The following MYL6B variants were observed in gnomAD, a reference collection of about 807,000 sequenced individuals.
MYL6B encodes the protein myosin light chain 6B.
In MYL6B, 19 loss-of-function variants were observed where a neutral mutation model predicts 24.5. That is an observed-to-expected ratio of 0.78 (90% confidence interval 0.54 to 1.14). The LOEUF (loss-of-function observed/expected upper bound fraction) is 1.14, where lower values mean the gene tolerates loss of function less well. Ranked by LOEUF, MYL6B falls within the 50% of genes most tolerant of loss-of-function variation. MYL6B has a pLI of 0.00. For missense variants in MYL6B, 230 were observed against 263.8 expected, an observed-to-expected ratio of 0.87 and a Z score of 0.89; for synonymous variants, 90 against 100.7, an observed-to-expected ratio of 0.89 and a Z score of 0.64.
intron 2 of MYL6B, 74 bp downstream of exon 2, chr12:56,154,166 G>A (rs985939555): frequency 7.0e-7 from 1 of 1,433,052 alleles, no homozygotes; most frequent in African/African-American, 1.4e-5. Context: ...GGGATTAGGG[G>A]GTATCTAGAA....
intron 4 of MYL6B, 27 bp downstream of exon 4, chr12:56,155,225 G>A (rs971016439): frequency 6.4e-7 from 1 of 1,570,710 alleles, no homozygotes; most frequent in African/African-American, 1.4e-5. Flanking sequence ...GAACAATTTG[G>A]GTTTTTAGTT....
At chr12:56,157,335 G>T in intron 5 of MYL6B, 133 bp from the exon 6 acceptor site, 1 of 783,970 alleles carries the variant, frequency 1.3e-6, no homozygotes, top group Non-Finnish European at 2.1e-6. Context: ...AGTGAGCCGA[G>T]ATCGCTCCGC....
chr12:56,156,438 C>T (rs1185337298), intron 5 of MYL6B, among the ~76,000 whole-genome samples: 1 of 151,762 alleles, frequency 6.6e-6, no homozygotes, highest in Non-Finnish European at 1.5e-5. Flanking sequence ...AACCTCGTCT[C>T]TACTAAAAAC....
intron 2 of MYL6B, among the ~76,000 whole-genome samples, chr12:56,154,321 CACTT>C (rs1264017176): frequency 6.6e-6 from 1 of 152,200 alleles, no homozygotes; most frequent in East Asian, 1.9e-4. Flanking sequence ...CATACACACT[CACTT>C]ACCCCCTGCT....
intron 5 of MYL6B, chr12:56,156,843 G>A (rs1413682335): frequency 6.6e-6 from 1 of 152,114 alleles, no homozygotes; most frequent in Non-Finnish European, 1.5e-5. Flanking sequence ...TTGAGCTCAG[G>A]AGTTCGAGAC....
chr12:56,157,762 G>T, exon 7 of MYL6B: 1 of 1,606,548 alleles, frequency 6.2e-7, no homozygotes, highest in Non-Finnish European at 8.5e-7. Context: ...CCTTCGCCGC[G>T]CCTTACGAGG....
At chr12:56,155,067 C>A (rs373700694) in exon 4 of MYL6B, 2 of 1,612,202 alleles carry the variant, frequency 1.2e-6, no homozygotes, top group Non-Finnish European at 1.7e-6. Flanking sequence ...TTCAAGGAGG[C>A]CTTCGAGCTG....
intron 5 of MYL6B, chr12:56,156,955 T>TG (rs1425557094): frequency 1.3e-5 from 2 of 150,376 alleles, no homozygotes; most frequent in African/African-American, 5.0e-5. Flanking sequence ...CGAAGGCCGA[T>TG]GTGAATCACT....
Position 56,153,870 on chromosome 12 carries a change from C to A in MYL6B, c.-46-3C>A. On this transcript the variant is annotated splice_polypyrimidine_tract_variant and splice_region_variant and intron_variant, in intron 1 of 6. Transcript: ENST00000553066. ...ATCCCAGACTCCCTGGCTATTTAAA[C>A]AGAGATGGGTGCCCCCATCCGCACA... 1.3e-6 allele frequency: 2 copies of A among 1,528,288 alleles called. No homozygotes were observed. The highest frequency in any genetic ancestry group is 8.8e-7 in the Non-Finnish European group (1 of 1,133,168). 94.7% of individuals were successfully genotyped at this position (1,528,288 alleles called of 1,614,324 possible).
chr12:56,156,433 C>T (rs1018749490), intron 5 of MYL6B, among the ~76,000 whole-genome samples: 21 of 149,900 alleles, frequency 1.4e-4, no homozygotes, highest in South Asian at 6.4e-4. Context: ...GGTGAAACCT[C>T]GTCTCTACTA....
At chr12:56,153,260 G>A (rs920245490) in intron 1 of MYL6B, among the ~76,000 whole-genome samples, 3 of 152,058 alleles carry the variant, frequency 2.0e-5, no homozygotes, top group Non-Finnish European at 2.9e-5. Context: ...AGACAATGAG[G>A]GATGTCATAC....
At chr12:56,157,371 A>G in intron 5 of MYL6B, 97 bp from the exon 6 acceptor site, 3 of 1,169,914 alleles carry the variant, frequency 2.6e-6, no homozygotes, top group Non-Finnish European at 3.7e-6. Context: ...CCTGAGCGAC[A>G]GGAGCGAAAC....
In MYL6B at chr12:56,155,411, A is replaced by G. The variant is rs745611936; in HGVS notation, c.347-8A>G. On this transcript the variant is annotated splice_polypyrimidine_tract_variant and splice_region_variant and intron_variant, in intron 4 of 6. Coordinates refer to ENST00000553066, the Ensembl canonical transcript of MYL6B. ...ATGACCTCTCCTTTACCTCTCTCCA[A>G]CCTCCAGAGCTGAAGTCGCGGCGTG... The G allele has an allele frequency of 6.2e-7, 1 of 1,614,052 alleles. No homozygotes were observed. The highest frequency in any genetic ancestry group is 8.5e-7 in the Non-Finnish European group (1 of 1,179,988).
chr12:56,157,104 T>A, intron 5 of MYL6B: 1 of 171,004 alleles, frequency 5.8e-6, no homozygotes, highest in Non-Finnish European at 1.2e-5. Context: ...TACAAAAATA[T>A]ATGGAAAAAG....
chr12:56,156,054 C>A, intron 5 of MYL6B: 1 of 1,086,504 alleles, frequency 9.2e-7, no homozygotes, highest in Non-Finnish European at 1.1e-6. Context: ...GCCTGTAATC[C>A]CAGCATTTTG....
exon 5 of MYL6B, chr12:56,155,524 G>T (rs778320072): frequency 6.2e-7 from 1 of 1,613,842 alleles, no homozygotes; most frequent in African/African-American, 1.3e-5. Flanking sequence ...GAGGGGTTTC[G>T]TGTGTTTGAC....
Position 56,154,684 on chromosome 12 carries a change from AG to A in MYL6B, c.175-127del, listed in dbSNP as rs1048936829. 40 of 979,348 alleles carry A rather than the reference AG, an allele frequency of 4.1e-5. No homozygotes were observed. The Admixed American group carries it at 9.4e-4, about 23-fold the overall frequency. 60.7% of individuals were successfully genotyped at this position (979,348 alleles called of 1,614,324 possible). On this transcript the variant is annotated intron_variant, in intron 2 of 6. Coordinates refer to ENST00000553066, the Ensembl canonical transcript of MYL6B. ...AGGCCCAGAGCTGGGAATGGGACTG[AG>A]GTGGCTGGGCTTCCAGCCTGGTCCC...
At chr12:56,154,616 G>A (rs1315397071) in intron 2 of MYL6B, among the ~76,000 whole-genome samples, 197 bp from the exon 3 acceptor site, 2 of 152,244 alleles carry the variant, frequency 1.3e-5, no homozygotes, top group African/African-American at 4.8e-5. Context: ...CCTGTTCCCA[G>A]GAAACCCTCC....
intron 4 of MYL6B, 50 bp downstream of exon 4, chr12:56,155,248 A>G: frequency 6.4e-7 from 1 of 1,561,896 alleles, no homozygotes. Flanking sequence ...CAAAAGTTGG[A>G]TGTTGGTAAC....
Sources: gnomAD v4.1 joint callset for allele counts (sites outside exome capture counted in the v4.1 genomes callset) on GRCh38, gnomAD v4.1.1 for gene constraint, MANE v1.5 for transcripts, NCBI Gene and HGNC (gene_info 2026-07-23, HGNC 2026-07-21) for gene names.